The following RCAN2 variants were observed in gnomAD, a reference collection of about 807,000 sequenced individuals.
The protein encoded by RCAN2 is regulator of calcineurin 2.
Under a neutral mutation model 23.6 loss-of-function variants are expected in RCAN2, and 9 were observed. The ratio of observed to expected loss-of-function variants is 0.38; its 90% CI spans 0.23 to 0.67. The LOEUF is 0.67. Among genes scored for constraint, RCAN2 ranks in the 30% least tolerant of loss-of-function variants. The pLI is 0.51. For synonymous variants in RCAN2, 109 were observed against 115.7 expected (o/e 0.94, Z 0.37); for missense variants, 273 against 302.3 (o/e 0.90, Z 0.72).
At chr6:46,462,679 A>C (rs1768254197) in intron 1 of RCAN2, among the ~76,000 whole-genome samples, 1 of 152,232 alleles carries the variant, frequency 6.6e-6, no homozygotes, top group Non-Finnish European at 1.5e-5. Context: ...GGCTTTCTAC[A>C]CAAGGAATTA....
At chr6:46,277,955 A>G (rs1455709704) in intron 2 of RCAN2, among the ~76,000 whole-genome samples, 1 of 152,164 alleles carries the variant, frequency 6.6e-6, no homozygotes, top group Non-Finnish European at 1.5e-5. Context: ...TTAGATGTTT[A>G]AAGACGGAGG....
chr6:46,404,714 T>C (rs1372089962), intron 2 of RCAN2, among the ~76,000 whole-genome samples: 2 of 152,092 alleles, frequency 1.3e-5, no homozygotes, highest in Non-Finnish European at 2.9e-5. Flanking sequence ...CAAAAATAAA[T>C]AAATAGAGGC....
chr6:46,489,754 C>T (rs1769089968), intron 1 of RCAN2, among the ~76,000 whole-genome samples: 1 of 152,162 alleles, frequency 6.6e-6, no homozygotes, highest in Admixed American at 6.5e-5. Flanking sequence ...TTTTCCCTCA[C>T]AAAATTCTAT....
intron 1 of RCAN2, among the ~76,000 whole-genome samples, chr6:46,466,661 T>A (rs1292796204): frequency 6.6e-6 from 1 of 152,172 alleles, no homozygotes; most frequent in Non-Finnish European, 1.5e-5. Flanking sequence ...CCACAGGACC[T>A]GTCAAATTAA....
intron 2 of RCAN2, among the ~76,000 whole-genome samples, chr6:46,254,537 C>A (rs1187396661): frequency 6.6e-6 from 1 of 152,012 alleles, no homozygotes; most frequent in Non-Finnish European, 1.5e-5. Context: ...GAGTGAAGGG[C>A]AGAGAAAAAG....
At chr6:46,330,670 T>A (rs1193218194) in intron 2 of RCAN2, among the ~76,000 whole-genome samples, 3 of 152,192 alleles carry the variant, frequency 2.0e-5, no homozygotes, top group African/African-American at 7.2e-5. Flanking sequence ...CTTTCCTCTT[T>A]AATAGTTTGC....
At chr6:46,292,109 A>C (rs1762580830) in intron 2 of RCAN2, among the ~76,000 whole-genome samples, 1 of 152,180 alleles carries the variant, frequency 6.6e-6, no homozygotes, top group Non-Finnish European at 1.5e-5. Context: ...GTAATTAGTC[A>C]GTGGGGCAAC....
At chr6:46,406,215 A>G (rs557158413) in intron 2 of RCAN2, among the ~76,000 whole-genome samples, 1 of 152,316 alleles carries the variant, frequency 6.6e-6, no homozygotes, top group South Asian at 2.1e-4. Context: ...GGGCTCTCAC[A>G]GTGCAGCGGC....
At chr6:46,261,990 A>C (rs746991570) in intron 2 of RCAN2, among the ~76,000 whole-genome samples, 5 of 152,222 alleles carry the variant, frequency 3.3e-5, no homozygotes, top group Non-Finnish European at 7.3e-5. Flanking sequence ...AGAAGCTCAC[A>C]CACAGAGTAG....
intron 4 of RCAN2, among the ~76,000 whole-genome samples, chr6:46,235,467 A>G (rs1483420908): frequency 6.6e-6 from 1 of 152,146 alleles, no homozygotes; most frequent in Non-Finnish European, 1.5e-5. Context: ...TTCCTGCCCT[A>G]TGAGGAGCTA....
intron 2 of RCAN2, among the ~76,000 whole-genome samples, chr6:46,294,026 C>T (rs1019621226): frequency 2.2e-4 from 33 of 152,050 alleles, no homozygotes; most frequent in Non-Finnish European, 4.1e-4. Context: ...TAGTCAAGGG[C>T]GTGATGATTG....
intron 2 of RCAN2, among the ~76,000 whole-genome samples, chr6:46,326,357 T>C (rs1389737947): frequency 6.6e-6 from 1 of 152,220 alleles, no homozygotes; most frequent in Non-Finnish European, 1.5e-5. Flanking sequence ...TGGCAGGGTC[T>C]AACGGGCAAA....
intron 2 of RCAN2, among the ~76,000 whole-genome samples, chr6:46,259,185 CAAAACA>C (rs1022295858): frequency 1.3e-5 from 2 of 151,744 alleles, no homozygotes; most frequent in Admixed American, 6.6e-5. Context: ...GACCCTGTCT[CAAAACA>C]AAAACAAAAA....
At chr6:46,227,622 G>T (rs930513892) in intron 4 of RCAN2, among the ~76,000 whole-genome samples, 6 of 152,120 alleles carry the variant, frequency 3.9e-5, no homozygotes, top group Admixed American at 3.9e-4. Flanking sequence ...TGTGGGAATG[G>T]TTGTGATATC....
intron 2 of RCAN2, among the ~76,000 whole-genome samples, chr6:46,422,613 T>G (rs955213133): frequency 2.6e-5 from 4 of 152,078 alleles, no homozygotes; most frequent in African/African-American, 9.7e-5. Flanking sequence ...CCATAGAATT[T>G]CAAAGCCAAA....
intron 2 of RCAN2, among the ~76,000 whole-genome samples, chr6:46,344,145 T>C (rs1193737628): frequency 2.0e-5 from 3 of 152,234 alleles, no homozygotes; most frequent in African/African-American, 4.8e-5. Flanking sequence ...TGTATAATTC[T>C]GTAAATTTGC....
chr6:46,395,284 G>A lies in RCAN2; in HGVS notation c.225+61468C>T, dbSNP rs532009213. 9.2e-5 allele frequency among the ~76,000 whole-genome samples: 14 copies of A among 152,280 alleles called. No homozygotes were observed. In the South Asian group the frequency reaches 2.9e-3, roughly 32 times the overall value. Reference sequence around the variant, plus strand: ...GTAAGAGAGGAGGGAAAGATAAGATGCAAGCTGAGTCCTGGGCACTTTAAC... The same window carrying A: ...GTAAGAGAGGAGGGAAAGATAAGATACAAGCTGAGTCCTGGGCACTTTAAC... On this transcript the variant is annotated intron_variant, in intron 2 of 4. Transcript: ENST00000371374.
chr6:46,315,864 G>C (rs767714573), intron 2 of RCAN2, among the ~76,000 whole-genome samples: 1 of 152,096 alleles, frequency 6.6e-6, no homozygotes, highest in Admixed American at 6.5e-5. Flanking sequence ...GCTGTCTCCT[G>C]TTCTACAGGG....
chr6:46,429,630 T>C (rs887320047), intron 2 of RCAN2, among the ~76,000 whole-genome samples: 1 of 152,200 alleles, frequency 6.6e-6, no homozygotes. Flanking sequence ...TCATTTTTTT[T>C]CAACAAATTA....
Sources: allele counts gnomAD v4.1 joint callset (sites outside exome capture counted in the v4.1 genomes callset), GRCh38; gene constraint gnomAD v4.1.1; transcripts MANE v1.5; gene names NCBI Gene and HGNC (gene_info 2026-07-23, HGNC 2026-07-21).